Variants in CNOT10 observed in about 807,000 individuals in gnomAD.
CNOT10 encodes the protein CCR4-NOT transcription complex, subunit 10.
Under a neutral mutation model 94.6 loss-of-function variants are expected in CNOT10, and 30 were observed. The observed-to-expected ratio is 0.32, with a 90% confidence interval of 0.24 to 0.43. The LOEUF (loss-of-function observed/expected upper bound fraction) is 0.43. CNOT10 is among the 20% of genes least tolerant of loss of function. CNOT10 has a pLI of 1.00. For missense variants in CNOT10, 759 were observed against 877.2 expected (o/e 0.87, Z 1.70); for synonymous variants, 289 against 301.6 (o/e 0.96, Z 0.43).
At chr3:32,703,702 G>A in intron 1 of CNOT10, 166 bp from the exon 2 acceptor site, 2 of 568,150 alleles carry the variant, frequency 3.5e-6, no homozygotes, top group Non-Finnish European at 6.3e-6. Flanking sequence ...ATGTTACTCA[G>A]AACATTGCTG....
intron 5 of CNOT10, among the ~76,000 whole-genome samples, chr3:32,715,670 T>A (rs1332850031): frequency 1.3e-5 from 2 of 152,132 alleles, no homozygotes; most frequent in African/African-American, 2.4e-5. Flanking sequence ...GAGACCCCCG[T>A]CTCTATGAAA....
At chr3:32,711,900 C>T (rs563641297) in intron 4 of CNOT10, among the ~76,000 whole-genome samples, 3 of 152,132 alleles carry the variant, frequency 2.0e-5, no homozygotes, top group African/African-American at 7.2e-5. Flanking sequence ...GATATATGAC[C>T]TTTGCACACC....
chr3:32,713,029 G>A (rs1697958940), intron 4 of CNOT10, among the ~76,000 whole-genome samples, 198 bp from the exon 5 acceptor site: 1 of 152,186 alleles, frequency 6.6e-6, no homozygotes, highest in Admixed American at 6.5e-5. Context: ...TGAAATGAGA[G>A]GCCTTGCAGT....
intron 1 of CNOT10, among the ~76,000 whole-genome samples, chr3:32,694,551 T>C (rs925014196): frequency 6.6e-6 from 1 of 152,152 alleles, no homozygotes; most frequent in Admixed American, 6.6e-5. Context: ...CTAGCTTCCT[T>C]AAAGCATGCT....
chr3:32,720,469 G>A (rs537939169), intron 8 of CNOT10, among the ~76,000 whole-genome samples: 2 of 151,524 alleles, frequency 1.3e-5, no homozygotes, highest in African/African-American at 2.4e-5. Context: ...AGGTTGGATC[G>A]CTTTCCTCCC....
chr3:32,714,774 C>G (rs1698049088), intron 5 of CNOT10, among the ~76,000 whole-genome samples: 1 of 152,042 alleles, frequency 6.6e-6, no homozygotes, highest in Non-Finnish European at 1.5e-5. Context: ...GACTTGGTGC[C>G]CAGTATGAGT....
intron 7 of CNOT10, among the ~76,000 whole-genome samples, chr3:32,718,360 G>A (rs7614304): frequency 1.2e-3 from 185 of 149,222 alleles, no homozygotes; most frequent in African/African-American, 4.1e-3. Context: ...TGAGGCGGGC[G>A]GATCACGAGG....
At chr3:32,740,817 G>A (rs919332329) in intron 13 of CNOT10, among the ~76,000 whole-genome samples, 2 of 150,360 alleles carry the variant, frequency 1.3e-5, no homozygotes, top group East Asian at 2.0e-4. Flanking sequence ...AGCCGAGATC[G>A]CACCACTGCA....
chr3:32,706,283 TC>T (rs1487851157), intron 3 of CNOT10, among the ~76,000 whole-genome samples: 1 of 152,204 alleles, frequency 6.6e-6, no homozygotes, highest in African/African-American at 2.4e-5. Flanking sequence ...GACAGTTTCT[TC>T]CAAGACAAAT....
At chr3:32,745,581 G>A (rs1699661998) in intron 13 of CNOT10, among the ~76,000 whole-genome samples, 1 of 152,168 alleles carries the variant, frequency 6.6e-6, no homozygotes. Context: ...GTCCATAAAA[G>A]AATTTTATAG....
At position 32,773,440 on chromosome 3, in the gene CNOT10, G is replaced by A. The variant is rs762904584; in HGVS notation, c.2081-17G>A. The A allele has an allele frequency of 1.1e-5, 17 of 1,600,104 alleles. 1 individual carries two copies. The South Asian group carries it at 1.2e-4, about 12-fold the overall frequency. ...ATTGTTCTGTGCTTTGTTTTTTAAC[G>A]GGAAGTGTTTTTATAGGTAATACTC... On this transcript the variant is annotated splice_polypyrimidine_tract_variant and intron_variant, in intron 18 of 18. Coordinates refer to ENST00000328834, the MANE Select transcript of CNOT10 (RefSeq NM_015442.3).
At chr3:32,757,541 A>G (rs1254095791) in intron 13 of CNOT10, among the ~76,000 whole-genome samples, 1 of 152,210 alleles carries the variant, frequency 6.6e-6, no homozygotes, top group Non-Finnish European at 1.5e-5. Context: ...GTTCATAAGT[A>G]GTACATATCT....
At chr3:32,737,638 G>A (rs575946847) in intron 13 of CNOT10, 148 bp downstream of exon 13, 2 of 501,494 alleles carry the variant, frequency 4.0e-6, no homozygotes, top group Admixed American at 7.6e-5. Context: ...GCCTGGCCAA[G>A]ATAGTGAAAC....
At chr3:32,771,503 A>G (rs1198053667) in intron 18 of CNOT10, among the ~76,000 whole-genome samples, 1 of 152,082 alleles carries the variant, frequency 6.6e-6, no homozygotes, top group Admixed American at 6.6e-5. Flanking sequence ...AGGAGGCTGA[A>G]GCAGGAGAAT....
At chr3:32,704,046 A>G (rs1697498456) in intron 2 of CNOT10, 84 bp downstream of exon 2, 4 of 778,054 alleles carry the variant, frequency 5.1e-6, no homozygotes, top group Admixed American at 2.8e-5. Flanking sequence ...TTAAATTTAC[A>G]ATTTTTACTC....
intron 13 of CNOT10, among the ~76,000 whole-genome samples, chr3:32,741,136 T>C (rs188838906): frequency 9.2e-4 from 140 of 152,328 alleles, no homozygotes; most frequent in African/African-American, 3.0e-3. Flanking sequence ...TATAATTTTG[T>C]CTTTCAAAAA....
At chr3:32,719,154 C>T (rs1332292490) in intron 7 of CNOT10, among the ~76,000 whole-genome samples, 1 of 152,196 alleles carries the variant, frequency 6.6e-6, no homozygotes, top group Non-Finnish European at 1.5e-5. Flanking sequence ...GAGGCTGAGG[C>T]AGGAGAATTG....
rs549123476 is a variant in CNOT10 at position 32,762,580 on chromosome 3, G to A, written c.1710-153G>A. ...GCCACTACACCCAGGCAGTTGATTC[G>A]TTTTACCTAAATAAATTTAGATTTC... On this transcript the variant is annotated intron_variant, in intron 14 of 18. Transcript: ENST00000328834. Among the ~76,000 whole-genome samples, 21 of 152,104 alleles carry A rather than the reference G, an allele frequency of 1.4e-4. 1 individual carries two copies. The highest frequency in any genetic ancestry group is 6.6e-4 in the Admixed American group (10 of 15,256).
intron 4 of CNOT10, among the ~76,000 whole-genome samples, chr3:32,710,297 A>G (rs1697825821): frequency 7.0e-6 from 1 of 143,394 alleles, no homozygotes; most frequent in Non-Finnish European, 1.5e-5. Flanking sequence ...TTAAACTTTT[A>G]CTGCTTGGAT....
Sources: gnomAD v4.1 joint callset for allele counts (sites outside exome capture counted in the v4.1 genomes callset) on GRCh38, gnomAD v4.1.1 for gene constraint, MANE v1.5 for transcripts, NCBI Gene and HGNC (gene_info 2026-07-23, HGNC 2026-07-21) for gene names.